Variants in ERBIN observed in about 807,000 individuals in gnomAD.
The protein encoded by ERBIN is erbb2 interacting protein.
In ERBIN, 60 loss-of-function variants were observed where a neutral mutation model predicts 158.4. That is an observed-to-expected ratio of 0.38 (90% CI 0.31 to 0.47). The LOEUF is 0.47. ERBIN is among the 20% of genes least tolerant of loss of function. The pLI, the probability that ERBIN is intolerant of heterozygous loss-of-function variation, is 0.99. For synonymous variants in ERBIN, 594 were observed against 557.2 expected, an observed-to-expected ratio of 1.07 and a Z score of -0.93; for missense variants, 1,610 against 1,648.0, an observed-to-expected ratio of 0.98 and a Z score of 0.40.
chr5:66,007,734 A>G (rs1753770734), intron 4 of ERBIN, among the ~76,000 whole-genome samples: 1 of 152,232 alleles, frequency 6.6e-6, no homozygotes, highest in Non-Finnish European at 1.5e-5. Context: ...TATCTGTGGT[A>G]TATAGCATAG....
chr5:65,927,932 G>GA (rs1180825671), intron 1 of ERBIN, among the ~76,000 whole-genome samples: 16 of 152,272 alleles, frequency 1.1e-4, no homozygotes, highest in African/African-American at 3.6e-4. Context: ...GCGGTACAGG[G>GA]AGGTGAAATA....
At chr5:65,968,252 T>TG (rs1748877820) in intron 1 of ERBIN, among the ~76,000 whole-genome samples, 1 of 152,190 alleles carries the variant, frequency 6.6e-6, no homozygotes, top group Non-Finnish European at 1.5e-5. Flanking sequence ...GGTATCATGA[T>TG]GGGGAGACCA....
chr5:66,074,713 A>T (rs1020696022), intron 22 of ERBIN, among the ~76,000 whole-genome samples: 4 of 152,208 alleles, frequency 2.6e-5, no homozygotes, highest in Non-Finnish European at 5.9e-5. Flanking sequence ...TAAGATAGAT[A>T]CATCTAAGAA....
rs1756302541 is a variant in ERBIN, at chr5:66,026,780, C to T, written c.1136+363C>T. On this transcript the variant is annotated intron_variant, in intron 13 of 25. Transcript: ENST00000284037. Reference sequence around the variant, plus strand: ...CTTATTTTATCTGATGTTAATTTATCATACGGTGGTTGTTACTGTTCATTT... The same window carrying T: ...CTTATTTTATCTGATGTTAATTTATTATACGGTGGTTGTTACTGTTCATTT... Among the ~76,000 whole-genome samples the T allele has an allele frequency of 2.0e-5, 3 of 151,890 alleles. No individual in the cohort carries two copies. The South Asian group carries it at 6.2e-4, about 31-fold the overall frequency.
At chr5:65,970,927 A>G (rs1469430841) in intron 1 of ERBIN, among the ~76,000 whole-genome samples, 1 of 152,106 alleles carries the variant, frequency 6.6e-6, no homozygotes, top group Admixed American at 6.5e-5. Flanking sequence ...GGGACCATTT[A>G]TCTTTGTATC....
chr5:65,940,713 C>G (rs1464478113), intron 1 of ERBIN, among the ~76,000 whole-genome samples: 26 of 147,478 alleles, frequency 1.8e-4, no homozygotes, highest in Non-Finnish European at 2.7e-4. Context: ...GCCCCCCGCC[C>G]GGCCAGCCGC....
At chr5:65,940,278 C>A (rs1744703304) in intron 1 of ERBIN, among the ~76,000 whole-genome samples, 1 of 150,658 alleles carries the variant, frequency 6.6e-6, no homozygotes, top group Non-Finnish European at 1.5e-5. Context: ...GCCCAGCCGC[C>A]CCGTCTGAGA....
intron 1 of ERBIN, among the ~76,000 whole-genome samples, chr5:65,982,115 C>A (rs1750726296): frequency 6.6e-6 from 1 of 152,088 alleles, no homozygotes; most frequent in Admixed American, 6.6e-5. Context: ...AGATTATTAC[C>A]ACAAAAGCAG....
intron 15 of ERBIN, among the ~76,000 whole-genome samples, chr5:66,041,510 A>G (rs951146063): frequency 6.6e-6 from 1 of 151,980 alleles, no homozygotes; most frequent in African/African-American, 2.4e-5. Flanking sequence ...TAGCCTCTAG[A>G]ATGGATAGAA....
chr5:65,954,961 A>G (rs1453612583), intron 1 of ERBIN, among the ~76,000 whole-genome samples: 1 of 152,022 alleles, frequency 6.6e-6, no homozygotes, highest in East Asian at 1.9e-4. Flanking sequence ...GCTACTCAGG[A>G]GGCTGAGGTA....
intron 4 of ERBIN, among the ~76,000 whole-genome samples, chr5:65,999,670 A>G (rs1231493937): frequency 1.3e-5 from 2 of 152,164 alleles, no homozygotes; most frequent in Non-Finnish European, 2.9e-5. Flanking sequence ...CATGATTTTC[A>G]TGACAATTTC....
intron 1 of ERBIN, among the ~76,000 whole-genome samples, chr5:65,928,034 G>A (rs1014511146): frequency 6.6e-6 from 1 of 152,108 alleles, no homozygotes; most frequent in Non-Finnish European, 1.5e-5. Context: ...GATTGCCTAT[G>A]CTGTCTCACG....
chr5:65,978,074 G>A (rs1442361979), intron 1 of ERBIN, among the ~76,000 whole-genome samples: 2 of 152,128 alleles, frequency 1.3e-5, no homozygotes, highest in African/African-American at 2.4e-5. Flanking sequence ...ATACATATTT[G>A]TGATCTGTAT....
chr5:65,948,897 G>A (rs1746151245), intron 1 of ERBIN, among the ~76,000 whole-genome samples: 1 of 151,426 alleles, frequency 6.6e-6, no homozygotes, highest in African/African-American at 2.4e-5. Flanking sequence ...TCAGGTAGCT[G>A]TGATTAGAGG....
chr5:65,958,628 T>A (rs1218079045), intron 1 of ERBIN, among the ~76,000 whole-genome samples: 1 of 32,010 alleles, frequency 3.1e-5, no homozygotes, highest in African/African-American at 1.5e-4. Flanking sequence ...AGGGAGACCG[T>A]GGGGAGAGGG....
chr5:66,050,871 G>A lies in ERBIN; in HGVS notation c.1992G>A (p.Met664Ile). The change falls in exon 20 of 26, where the codon ATG (methionine) becomes ATA (isoleucine). Residue 664 changes from methionine (M) to isoleucine (I), a missense_variant. Met to Ile is a conservative substitution (Grantham distance 10). Around this residue, in one of 2 missense-constraint regions of ERBIN, gnomAD observed 1,014 missense variants for 936.1 expected, o/e 1.08. Transcript: ENST00000284037. ...GCAATTGTTCTTCTCCATCTCGGAT[G>A]TCTGATTCAGTTTCTCTTAATACTG... ...NNSNCSSPSR[M>I]SDSVSLNTDS... The A allele has an allele frequency of 1.9e-6, 3 of 1,603,924 alleles. No individual in the cohort carries two copies. Among genetic ancestry groups the A allele is most frequent in the Non-Finnish European group, 2.6e-6 (3 of 1,175,866 alleles).
intron 1 of ERBIN, among the ~76,000 whole-genome samples, chr5:65,956,761 ATCTGC>A (rs947894462): frequency 2.0e-5 from 3 of 152,236 alleles, no homozygotes; most frequent in Admixed American, 2.0e-4. Flanking sequence ...ATTTGGAAGA[ATCTGC>A]TCTAGTCTGC....
intron 1 of ERBIN, among the ~76,000 whole-genome samples, chr5:65,978,864 G>A (rs1322502167): frequency 1.3e-5 from 2 of 152,218 alleles, no homozygotes; most frequent in Non-Finnish European, 2.9e-5. Context: ...CTTGGAATTT[G>A]GGACCCTGTT....
In ERBIN at chr5:65,955,368, G is replaced by T. The variant is rs534858960; in HGVS notation, c.-58+28562G>T. The stretch of plus-strand genomic sequence containing the variant: ...TGAGGGGCCGGGGATGGTGGCTCAT[G>T]CCTGTAATCCCAGCACTTTGGGAGG... On this transcript the variant is annotated intron_variant, in intron 1 of 25. Transcript: ENST00000284037. Among the ~76,000 whole-genome samples the T allele has an allele frequency of 4.1e-4, 63 of 152,134 alleles. 1 individual carries two copies. The Middle Eastern group carries it at 0.01, about 25-fold the overall frequency.
Sources: gnomAD v4.1 joint callset for allele counts (sites outside exome capture counted in the v4.1 genomes callset) on GRCh38, gnomAD v4.1.1 for gene constraint, gnomAD v4.1.1 regional missense constraint, MANE v1.5 for transcripts, NCBI Gene and HGNC (gene_info 2026-07-23, HGNC 2026-07-21) for gene names.